Variants in VPS13B observed in about 807,000 individuals in gnomAD.
VPS13B encodes vacuolar protein sorting 13 homolog B.
A neutral mutation model predicts 426.4 loss-of-function variants in VPS13B; 285 were observed. The observed-to-expected ratio is 0.67, with a 90% CI of 0.61 to 0.74. The LOEUF is 0.74. Among genes scored for constraint, VPS13B ranks in the 30% least tolerant of loss-of-function variants. The pLI is 0.00. For missense variants in VPS13B, 4,537 were observed against 4,782.6 expected (o/e 0.95, Z 1.51); for synonymous variants, 1,676 against 1,676.4 (o/e 1.00, Z 0.01).
At chr8:99,430,419 A>G (rs1195593764) in intron 21 of VPS13B, among the ~76,000 whole-genome samples, 3 of 152,202 alleles carry the variant, frequency 2.0e-5, no homozygotes, top group Non-Finnish European at 4.4e-5. Flanking sequence ...TACCTAAAAT[A>G]CTACATATAA....
chr8:99,835,850 T>TCACACAGAGAAAA, intron 54 of VPS13B, 112 bp downstream of exon 54: 3 of 1,098,110 alleles, frequency 2.7e-6, no homozygotes, highest in Non-Finnish European at 2.7e-6. Flanking sequence ...ATCTTTTCTC[T>TCACACAGAGAAAA]GTGTGAGAGA....
intron 25 of VPS13B, among the ~76,000 whole-genome samples, chr8:99,493,779 C>G (rs1374268956): frequency 1.3e-5 from 1 of 74,536 alleles, no homozygotes; most frequent in East Asian, 4.1e-4. Context: ...AAGACTCTAT[C>G]TAAAAAAAAA....
At chr8:99,441,957 G>A (rs1817701366) in intron 22 of VPS13B, among the ~76,000 whole-genome samples, 2 of 151,980 alleles carry the variant, frequency 1.3e-5, no homozygotes, top group South Asian at 4.2e-4. Flanking sequence ...TTTAAACAAT[G>A]TTTTCTTATA....
chr8:99,158,426 A>G (rs1811476015), intron 15 of VPS13B, among the ~76,000 whole-genome samples: 1 of 152,084 alleles, frequency 6.6e-6, no homozygotes, highest in South Asian at 2.1e-4. Context: ...TCAGCTACTC[A>G]GGAGGCTGAG....
At chr8:99,063,056 A>G (rs1423037584) in intron 3 of VPS13B, among the ~76,000 whole-genome samples, 2 of 152,204 alleles carry the variant, frequency 1.3e-5, no homozygotes, top group African/African-American at 4.8e-5. Context: ...CAATAGTGAA[A>G]TGAATTATTG....
At position 99,575,465 on chromosome 8, in the gene VPS13B, AT is replaced by A. The variant is rs1563804969; in HGVS notation, c.4950-192del. On this transcript the variant is annotated intron_variant, in intron 31 of 61. Transcript: ENST00000357162. ...CTTAATTACACCTTAATTTCTCAAG[AT>A]GTTTTCATCTTTTGTAAATCTTATG... Among the ~76,000 whole-genome samples, 9 of 152,306 alleles carry A rather than the reference AT, an allele frequency of 5.9e-5. No homozygotes were observed. The South Asian group carries it at 1.7e-3, about 28-fold the overall frequency.
At chr8:99,177,903 C>T (rs1239542407) in intron 16 of VPS13B, among the ~76,000 whole-genome samples, 2 of 152,122 alleles carry the variant, frequency 1.3e-5, no homozygotes, top group Non-Finnish European at 2.9e-5. Flanking sequence ...AAAATATTAT[C>T]CTGTGACAAC....
chr8:99,206,525 C>T (rs779106395), intron 17 of VPS13B, among the ~76,000 whole-genome samples: 2 of 152,140 alleles, frequency 1.3e-5, no homozygotes, highest in Non-Finnish European at 2.9e-5. Flanking sequence ...TTCTGTATGT[C>T]GTCAACATTG....
intron 33 of VPS13B, among the ~76,000 whole-genome samples, chr8:99,597,939 G>C (rs1827098820): frequency 6.6e-6 from 1 of 151,946 alleles, no homozygotes. Flanking sequence ...ATTAATAAAT[G>C]GATTCCTGAA....
intron 19 of VPS13B, among the ~76,000 whole-genome samples, chr8:99,326,642 G>T (rs1397843326): frequency 3.3e-5 from 5 of 151,216 alleles, no homozygotes; most frequent in Non-Finnish European, 7.4e-5. Flanking sequence ...CAAGCGATCT[G>T]CCCACCTCAG....
rs765879140 is a variant in VPS13B at position 99,699,637 on chromosome 8, T to C, written c.6159T>C (p.His2053=). 9 of 1,614,136 alleles carry C rather than the reference T, an allele frequency of 5.6e-6. No individual in the cohort carries two copies. Among genetic ancestry groups the C allele is most frequent in the Non-Finnish European group, 7.6e-6 (9 of 1,180,016 alleles). Residue 2053 remains histidine (H), a synonymous_variant, in exon 36 of 62, where the codon CAT becomes CAC. Transcript: ENST00000357162. ...KKIKNAHSLA[H]SEETSAMSNT... ...TAAAAAATGCACACAGTTTGGCACATAGTGAAGAGACTTCAGCCATGTCCA... is the reference window on the plus strand; with the variant it reads ...TAAAAAATGCACACAGTTTGGCACACAGTGAAGAGACTTCAGCCATGTCCA...
chr8:99,364,101 G>C (rs747040309), intron 19 of VPS13B, among the ~76,000 whole-genome samples: 11 of 152,154 alleles, frequency 7.2e-5, no homozygotes, highest in Admixed American at 3.3e-4. Flanking sequence ...CTGTGGGTCT[G>C]TTATATATGG....
At chr8:99,312,726 G>A (rs528110157) in intron 19 of VPS13B, among the ~76,000 whole-genome samples, 2 of 152,250 alleles carry the variant, frequency 1.3e-5, no homozygotes, top group Non-Finnish European at 2.9e-5. Flanking sequence ...GCCTTGCTAG[G>A]TTGGGGAAGT....
intron 30 of VPS13B, among the ~76,000 whole-genome samples, chr8:99,531,160 A>G (rs1822914511): frequency 1.3e-5 from 2 of 152,194 alleles, no homozygotes; most frequent in Admixed American, 1.3e-4. Flanking sequence ...TATAATGAAA[A>G]CATTTATAAT....
At chr8:99,124,124 A>G (rs910302726) in intron 8 of VPS13B, among the ~76,000 whole-genome samples, 2 of 152,214 alleles carry the variant, frequency 1.3e-5, no homozygotes, top group Non-Finnish European at 2.9e-5. Context: ...TAAGTGATCA[A>G]TATTGTAGGC....
intron 28 of VPS13B, 23 bp downstream of exon 28, chr8:99,507,226 GA>G: frequency 6.2e-7 from 1 of 1,611,708 alleles, no homozygotes. Context: ...TAGTTACTAT[GA>G]TTTTTGAAAA....
chr8:99,248,105 T>C (rs989191744), intron 17 of VPS13B, among the ~76,000 whole-genome samples: 1 of 152,224 alleles, frequency 6.6e-6, no homozygotes, highest in African/African-American at 2.4e-5. Flanking sequence ...TAGCTTCCAG[T>C]GCTCTAACCA....
chr8:99,157,243 A>G (rs966654861), intron 15 of VPS13B, among the ~76,000 whole-genome samples: 6 of 151,210 alleles, frequency 4.0e-5, no homozygotes, highest in Non-Finnish European at 5.9e-5. Flanking sequence ...ATTGTACTTC[A>G]TAGTAATTGT....
At chr8:99,192,450 AAACTAGTAT>A (rs1813655419) in intron 16 of VPS13B, among the ~76,000 whole-genome samples, 1 of 152,218 alleles carries the variant, frequency 6.6e-6, no homozygotes, top group Non-Finnish European at 1.5e-5. Context: ...CCCATTTGAA[AAACTAGTAT>A]AATGATAGTA....
Sources: gnomAD v4.1 joint callset for allele counts (sites outside exome capture counted in the v4.1 genomes callset) on GRCh38, gnomAD v4.1.1 for gene constraint, MANE v1.5 for transcripts, NCBI Gene and HGNC (gene_info 2026-07-23, HGNC 2026-07-21) for gene names.